The following FIGLA variants were observed in gnomAD, a reference collection of about 807,000 sequenced individuals.
The protein encoded by FIGLA is folliculogenesis specific bHLH transcription factor.
In FIGLA, 17 loss-of-function variants were observed where a neutral mutation model predicts 21.5. The observed-to-expected ratio is 0.79, with a 90% CI of 0.54 to 1.19. The LOEUF (loss-of-function observed/expected upper bound fraction) is 1.19, where lower values mean the gene tolerates loss of function less well. Ranked by LOEUF, FIGLA falls within the 50% of genes most tolerant of loss-of-function variation. The probability of loss-of-function intolerance (pLI) is 0.00; values close to 1 mark genes in which losing one functional copy is unlikely to be tolerated. For synonymous variants in FIGLA, 129 were observed against 117.6 expected (o/e 1.10, Z -0.63); for missense variants, 282 against 285.0 (o/e 0.99, Z 0.08).
chr2:70,784,377 G>T (rs1675907806), intron 3 of FIGLA, among the ~76,000 whole-genome samples: 3 of 152,258 alleles, frequency 2.0e-5, no homozygotes, highest in African/African-American at 4.8e-5. Context: ...AAGAGAAGTT[G>T]GTATCTATCC....
chr2:70,785,526 C>T lies in FIGLA; in HGVS notation c.498G>A (p.Leu166=), dbSNP rs76112949. Residue 166 remains leucine, a synonymous_variant, in exon 3 of 5, where the codon TTG becomes TTA. Transcript: ENST00000332372. ...CCCAAGGCCCTTCCTCTTCATTCTTCAAGCCGAAAGCACAGCTGATATGTT... is the reference window on the plus strand; with the variant it reads ...CCCAAGGCCCTTCCTCTTCATTCTTTAAGCCGAAAGCACAGCTGATATGTT... ...ITQHISCAFG[L]KNEEEGPWAD... 14 of 1,613,906 alleles carry T rather than the reference C, an allele frequency of 8.7e-6. No individual in the cohort carries two copies. In the Admixed American group the frequency reaches 1.0e-4, roughly 12 times the overall value.
intron 1 of FIGLA, among the ~76,000 whole-genome samples, chr2:70,789,844 A>G (rs1225926261): frequency 6.6e-6 from 1 of 152,142 alleles, no homozygotes; most frequent in Admixed American, 6.5e-5. Flanking sequence ...CGACTGGGAA[A>G]CACTCACTTT....
chr2:70,781,372 G>A (rs189383867), intron 3 of FIGLA, among the ~76,000 whole-genome samples: 79 of 152,248 alleles, frequency 5.2e-4, no homozygotes, highest in African/African-American at 1.5e-3. Context: ...TCAAATAATC[G>A]TGATGACATA....
chr2:70,788,971 G>A (rs1285909112), intron 1 of FIGLA, among the ~76,000 whole-genome samples: 1 of 152,056 alleles, frequency 6.6e-6, no homozygotes, highest in Non-Finnish European at 1.5e-5. Flanking sequence ...GATAGGTACC[G>A]GTAAAAAGCT....
chr2:70,785,695 C>T, intron 2 of FIGLA, 56 bp from the exon 3 acceptor site: 1 of 1,339,556 alleles, frequency 7.5e-7, no homozygotes, highest in East Asian at 2.3e-5. Context: ...ATTTTGATGA[C>T]TTAAACTAAT....
At chr2:70,782,818 C>T (rs1489709221) in intron 3 of FIGLA, among the ~76,000 whole-genome samples, 2 of 152,040 alleles carry the variant, frequency 1.3e-5, no homozygotes, top group African/African-American at 4.8e-5. Context: ...CCTGTAATCC[C>T]AGCATTCTGG....
At chr2:70,789,958 C>T (rs1313803663) in intron 1 of FIGLA, among the ~76,000 whole-genome samples, 6 of 152,190 alleles carry the variant, frequency 3.9e-5, no homozygotes, top group African/African-American at 1.4e-4. Flanking sequence ...TTTCTCCTCA[C>T]CCTCGTGTGT....
chr2:70,783,062 A>G (rs1675885634), intron 3 of FIGLA, among the ~76,000 whole-genome samples: 1 of 151,708 alleles, frequency 6.6e-6, no homozygotes, highest in African/African-American at 2.4e-5. Flanking sequence ...GTCTCAAAAA[A>G]AAAAAAAAAA....
intron 3 of FIGLA, among the ~76,000 whole-genome samples, chr2:70,783,133 C>G (rs1324680796): frequency 6.6e-6 from 1 of 151,844 alleles, no homozygotes; most frequent in Admixed American, 6.6e-5. Flanking sequence ...TACTAGAATG[C>G]TTCTGCAAAA....
chr2:70,788,095 G>C (rs1675990074), intron 1 of FIGLA, among the ~76,000 whole-genome samples: 1 of 152,232 alleles, frequency 6.6e-6, no homozygotes, highest in South Asian at 2.1e-4. Context: ...GGAGGCAGTA[G>C]AGGAGTGGCT....
chr2:70,780,833 G>C (rs1435563132), intron 3 of FIGLA, among the ~76,000 whole-genome samples: 2 of 152,152 alleles, frequency 1.3e-5, no homozygotes, highest in Admixed American at 1.3e-4. Context: ...AGCAGGGTGA[G>C]ATGGCACCCA....
At chr2:70,788,086 G>A (rs1553390313) in intron 1 of FIGLA, among the ~76,000 whole-genome samples, 1 of 152,216 alleles carries the variant, frequency 6.6e-6, no homozygotes, top group Non-Finnish European at 1.5e-5. Flanking sequence ...TCATAATGCG[G>A]AGGCAGTAGA....
intron 1 of FIGLA, among the ~76,000 whole-genome samples, chr2:70,790,025 T>A (rs571851170): frequency 6.6e-6 from 1 of 152,126 alleles, no homozygotes; most frequent in East Asian, 1.9e-4. Context: ...TCCCTGCGCG[T>A]CCCAAGCACC....
At chr2:70,786,365 G>A (rs1359985551) in intron 2 of FIGLA, among the ~76,000 whole-genome samples, 6 of 151,662 alleles carry the variant, frequency 4.0e-5, no homozygotes, top group South Asian at 2.1e-4. Flanking sequence ...GTGCAGTGGC[G>A]CCATCTCAGC....
At chr2:70,786,229 T>A (rs1458868512) in intron 2 of FIGLA, among the ~76,000 whole-genome samples, 1 of 23,040 alleles carries the variant, frequency 4.3e-5, no homozygotes, top group Non-Finnish European at 7.0e-5. Flanking sequence ...CTTTTCTGCC[T>A]TTTTTTTTTT....
chr2:70,779,706 C>T (rs1293166083), intron 3 of FIGLA, among the ~76,000 whole-genome samples: 2 of 152,186 alleles, frequency 1.3e-5, no homozygotes, highest in African/African-American at 4.8e-5. Context: ...GTAACAGATA[C>T]TATGTCTCTC....
In FIGLA at chr2:70,790,488, A is replaced by G. The variant is rs1190943227; in HGVS notation, c.151T>C (p.Ser51Pro). 1.3e-6 allele frequency: 2 copies of G among 1,543,668 alleles called. No homozygotes were observed. The highest frequency in any genetic ancestry group is 1.7e-6 in the Non-Finnish European group (2 of 1,146,206). The change falls in exon 1 of 5, where the codon TCG becomes CCG. Residue 51 changes from serine (S) to proline (P), a missense_variant. By Grantham distance (74) the Ser-to-Pro change is moderately conservative. Transcript: ENST00000332372. ...AAVCRLKRLP[S>P]GGYSSTENLQ... ...TTTTCAGTGGACGAGTAGCCGCCCGAGGGCAGCCGCTTGAGCCGGCAGACA... is the reference window on the plus strand; with the variant it reads ...TTTTCAGTGGACGAGTAGCCGCCCGGGGGCAGCCGCTTGAGCCGGCAGACA...
chr2:70,785,760 A>G, intron 2 of FIGLA, 121 bp from the exon 3 acceptor site: 1 of 743,956 alleles, frequency 1.3e-6, no homozygotes, highest in South Asian at 1.7e-5. Flanking sequence ...GGCAATGCTT[A>G]AGTCATTATG....
chr2:70,785,692 T>C, intron 2 of FIGLA, 53 bp from the exon 3 acceptor site: 3 of 1,352,456 alleles, frequency 2.2e-6, no homozygotes, highest in Non-Finnish European at 2.1e-6. Context: ...AAGATTTTGA[T>C]GACTTAAACT....
Sources: allele counts gnomAD v4.1 joint callset (sites outside exome capture counted in the v4.1 genomes callset), GRCh38; gene constraint gnomAD v4.1.1; transcripts MANE v1.5; gene names NCBI Gene and HGNC (gene_info 2026-07-23, HGNC 2026-07-21).